The following FTO variants were observed in gnomAD, a reference collection of about 807,000 sequenced individuals.
FTO encodes FTO alpha-ketoglutarate dependent dioxygenase, also known as alpha-ketoglutarate-dependent dioxygenase FTO.
FTO carries 47 observed loss-of-function variants against 63.9 expected under a neutral mutation model. The ratio of observed to expected loss-of-function variants is 0.74; its 90% CI spans 0.58 to 0.94. FTO has a LOEUF of 0.94. Ranked by LOEUF, FTO falls within the 40% of genes least tolerant of loss-of-function variation. FTO has a pLI of 0.00. For missense variants in FTO, 562 were observed against 618.1 expected (o/e 0.91, Z 0.96); for synonymous variants, 207 against 224.4 (o/e 0.92, Z 0.69).
In FTO at chr16:54,115,021, C is replaced by T. The variant is rs1180192974; in HGVS notation, c.*3106C>T. 2 of 152,274 alleles carry T rather than the reference C, an allele frequency of 1.3e-5. No homozygotes were observed. The highest frequency in any genetic ancestry group is 4.8e-5 in the African/African-American group (2 of 41,446). The allele number at this position is 152,274 out of a possible 1,614,324, so 9.4% of individuals were successfully genotyped here. ...AAAAAGCAGCTGGTGCGGGCAATGA[C>T]AATGAACTCGTATCCTGCAGGGTCA... On this transcript the variant is annotated 3_prime_UTR_variant, in exon 9 of 9. Coordinates refer to ENST00000471389, the MANE Select transcript of FTO (RefSeq NM_001080432.3).
chr16:53,793,743 C>T (rs2077987909), intron 1 of FTO, among the ~76,000 whole-genome samples: 1 of 152,058 alleles, frequency 6.6e-6, no homozygotes, highest in East Asian at 1.9e-4. Context: ...AACAAACAAA[C>T]AAACAAACAA....
At chr16:53,894,440 C>A (rs1207897269) in intron 7 of FTO, among the ~76,000 whole-genome samples, 1 of 152,158 alleles carries the variant, frequency 6.6e-6, no homozygotes, top group Admixed American at 6.5e-5. Context: ...AATACAGGAA[C>A]AAGGCTGCTT....
intron 1 of FTO, among the ~76,000 whole-genome samples, chr16:53,722,512 G>C (rs561056901): frequency 1.1e-3 from 161 of 152,180 alleles, no homozygotes; most frequent in Non-Finnish European, 2.0e-3. Flanking sequence ...TCCATCACCA[G>C]TAGAAAATAT....
intron 8 of FTO, among the ~76,000 whole-genome samples, chr16:54,001,005 C>T (rs1254205955): frequency 2.0e-5 from 3 of 152,150 alleles, no homozygotes; most frequent in Non-Finnish European, 2.9e-5. Flanking sequence ...GGGGTTTAAA[C>T]TAGATGAGCT....
intron 8 of FTO, chr16:54,040,442 A>G (rs1231031828): frequency 6.6e-6 from 1 of 152,254 alleles, no homozygotes; most frequent in African/African-American, 2.4e-5. Context: ...ACATAGAGAA[A>G]TCTACCCTAA....
intron 8 of FTO, among the ~76,000 whole-genome samples, chr16:54,011,352 A>G (rs1427465857): frequency 6.6e-6 from 1 of 152,182 alleles, no homozygotes; most frequent in Non-Finnish European, 1.5e-5. Context: ...CCCACTTTCA[A>G]TGATTTGAGA....
chr16:53,776,170 A>G (rs1235047631), intron 1 of FTO, among the ~76,000 whole-genome samples: 1 of 151,168 alleles, frequency 6.6e-6, no homozygotes, highest in Non-Finnish European at 1.5e-5. Flanking sequence ...GAGAGGGAAA[A>G]CCCTGGAGTT....
At chr16:53,928,687 G>A (rs1286371078) in intron 7 of FTO, among the ~76,000 whole-genome samples, 1 of 152,124 alleles carries the variant, frequency 6.6e-6, no homozygotes, top group African/African-American at 2.4e-5. Context: ...TTTGCTAGAT[G>A]TGTTTACTTG....
chr16:54,034,803 C>T (rs565737092), intron 8 of FTO, among the ~76,000 whole-genome samples: 18 of 152,218 alleles, frequency 1.2e-4, no homozygotes, highest in African/African-American at 3.4e-4. Flanking sequence ...CACAATGTTG[C>T]GCAAAAATAA....
chr16:53,795,534 G>C (rs184800149), intron 1 of FTO, among the ~76,000 whole-genome samples: 119 of 152,154 alleles, frequency 7.8e-4, no homozygotes, highest in African/African-American at 2.8e-3. Context: ...CAAACTCCTA[G>C]GCTCAAGCCA....
chr16:53,712,127 T>C (rs2075789573), intron 1 of FTO, among the ~76,000 whole-genome samples: 1 of 152,032 alleles, frequency 6.6e-6, no homozygotes, highest in African/African-American at 2.4e-5. Flanking sequence ...CAAAAGAAAG[T>C]TTGTTATTTA....
intron 8 of FTO, among the ~76,000 whole-genome samples, chr16:53,938,233 A>C (rs959506995): frequency 1.5e-4 from 23 of 152,242 alleles, no homozygotes; most frequent in African/African-American, 5.5e-4. Context: ...TTTTTCTGTA[A>C]ATATAAGAAG....
At chr16:53,868,113 A>G (rs928652559) in intron 4 of FTO, among the ~76,000 whole-genome samples, 2 of 152,084 alleles carry the variant, frequency 1.3e-5, no homozygotes, top group African/African-American at 4.8e-5. Context: ...TGTAGATAGC[A>G]TATGCCTTGT....
At chr16:54,055,076 C>T (rs563425934) in intron 8 of FTO, among the ~76,000 whole-genome samples, 1 of 152,104 alleles carries the variant, frequency 6.6e-6, no homozygotes, top group South Asian at 2.1e-4. Context: ...GTCTTTAGAA[C>T]AAGATTAATT....
intron 8 of FTO, among the ~76,000 whole-genome samples, chr16:53,977,858 A>ATATT (rs139574882): frequency 0.017 from 2,566 of 151,706 alleles, 63 homozygotes; most frequent in African/African-American, 0.059. Flanking sequence ...CTAGAAAGAG[A>ATATT]TATTTATTTA....
At chr16:54,030,929 A>G (rs548286463) in intron 8 of FTO, among the ~76,000 whole-genome samples, 8 of 152,364 alleles carry the variant, frequency 5.3e-5, no homozygotes, top group Non-Finnish European at 7.3e-5. Flanking sequence ...ACCATTATGA[A>G]GCCTTAAAAT....
At chr16:53,869,812 A>T (rs1209542285) in intron 4 of FTO, among the ~76,000 whole-genome samples, 1 of 151,896 alleles carries the variant, frequency 6.6e-6, no homozygotes. Context: ...TAGTAATCAT[A>T]GTTTCAAAAA....
chr16:54,069,036 C>G (rs971833951), intron 8 of FTO, among the ~76,000 whole-genome samples: 8 of 152,140 alleles, frequency 5.3e-5, no homozygotes, highest in African/African-American at 1.9e-4. Flanking sequence ...AAAACGAAAG[C>G]ATTTTTTGAT....
intron 1 of FTO, among the ~76,000 whole-genome samples, chr16:53,796,486 G>C (rs1175790418): frequency 6.6e-6 from 1 of 152,174 alleles, no homozygotes; most frequent in African/African-American, 2.4e-5. Context: ...AGAATGATGA[G>C]AATGTAAGAA....
Sources: allele counts gnomAD v4.1 joint callset (sites outside exome capture counted in the v4.1 genomes callset), GRCh38; gene constraint gnomAD v4.1.1; transcripts MANE v1.5; gene names NCBI Gene and HGNC (gene_info 2026-07-23, HGNC 2026-07-21).